Variants in SLC39A10 observed in about 807,000 individuals in gnomAD.
The protein encoded by SLC39A10 is zinc transporter ZIP10.
SLC39A10 carries 13 observed loss-of-function variants against 65.1 expected under a neutral mutation model. The ratio of observed to expected loss-of-function variants is 0.20; its 90% CI spans 0.13 to 0.32. SLC39A10 has a LOEUF of 0.32. SLC39A10 is among the 10% of genes least tolerant of loss of function. SLC39A10 has a pLI of 1.00. For synonymous variants in SLC39A10, 321 were observed against 342.2 expected (o/e 0.94, Z 0.68); for missense variants, 831 against 1,018.4 (o/e 0.82, Z 2.50).
At chr2:195,717,043 T>G in intron 7 of SLC39A10, 38 bp downstream of exon 7, 2 of 1,588,226 alleles carry the variant, frequency 1.3e-6, no homozygotes, top group East Asian at 4.5e-5. Context: ...GCTAATCTTA[T>G]GGACTATAAT....
intron 2 of SLC39A10, among the ~76,000 whole-genome samples, chr2:195,619,728 T>TA (rs1688310140): frequency 6.7e-6 from 1 of 149,992 alleles, no homozygotes; most frequent in African/African-American, 2.5e-5. Context: ...GTAATGAAAA[T>TA]AAAAAAAGAA....
chr2:195,617,885 G>A (rs1002742993), intron 2 of SLC39A10, among the ~76,000 whole-genome samples: 71 of 151,044 alleles, frequency 4.7e-4, no homozygotes, highest in African/African-American at 1.6e-3. Flanking sequence ...GACCACAGGT[G>A]CCCGCCACCA....
At chr2:195,703,205 A>G (rs1475520779) in intron 3 of SLC39A10, among the ~76,000 whole-genome samples, 1 of 152,238 alleles carries the variant, frequency 6.6e-6, no homozygotes, top group Non-Finnish European at 1.5e-5. Context: ...TTTTTCTAGC[A>G]GTATAATATG....
chr2:195,697,302 A>G (rs1691003149), intron 3 of SLC39A10, among the ~76,000 whole-genome samples: 1 of 152,232 alleles, frequency 6.6e-6, no homozygotes, highest in Non-Finnish European at 1.5e-5. Context: ...GTAGGGGGGT[A>G]CTAGAACTAA....
chr2:195,707,206 T>TG (rs1490895843), intron 4 of SLC39A10, among the ~76,000 whole-genome samples: 1 of 152,180 alleles, frequency 6.6e-6, no homozygotes, highest in African/African-American at 2.4e-5. Flanking sequence ...TCTTTATACA[T>TG]GGGGGCATTT....
chr2:195,657,679 G>T (rs965703157), intron 1 of SLC39A10: 2 of 971,656 alleles, frequency 2.1e-6, no homozygotes, highest in Non-Finnish European at 2.4e-6. Context: ...GCGGTTAGGG[G>T]GCTGCGCGCC....
intron 2 of SLC39A10, among the ~76,000 whole-genome samples, chr2:195,638,681 A>T (rs1244491489): frequency 6.6e-6 from 1 of 152,160 alleles, no homozygotes; most frequent in Non-Finnish European, 1.5e-5. Flanking sequence ...TTGCAAAGAT[A>T]GTACAGAGAG....
At chr2:195,675,680 C>T (rs1690056944) in intron 1 of SLC39A10, among the ~76,000 whole-genome samples, 1 of 152,222 alleles carries the variant, frequency 6.6e-6, no homozygotes, top group Non-Finnish European at 1.5e-5. Flanking sequence ...GATCCACCCA[C>T]CTCGGCCTCC....
intron 1 of SLC39A10, among the ~76,000 whole-genome samples, chr2:195,676,816 T>C (rs1234716527): frequency 1.3e-5 from 2 of 152,246 alleles, no homozygotes. Context: ...ACTAAACAGC[T>C]ACCAGGATTT....
chr2:195,622,327 C>T (rs1482972168), intron 2 of SLC39A10, among the ~76,000 whole-genome samples: 1 of 152,070 alleles, frequency 6.6e-6, no homozygotes, highest in East Asian at 1.9e-4. Flanking sequence ...GATCATGCCA[C>T]TGCACTCTAG....
At chr2:195,648,600 T>TCC (rs767660272) in intron 2 of SLC39A10, among the ~76,000 whole-genome samples, 46 of 151,674 alleles carry the variant, frequency 3.0e-4, no homozygotes, top group Admixed American at 5.3e-4. Context: ...ATCACTTGAG[T>TCC]TTGGGAGGTC....
chr2:195,720,330 C>T (rs1437870596), intron 8 of SLC39A10, among the ~76,000 whole-genome samples: 3 of 152,172 alleles, frequency 2.0e-5, no homozygotes, highest in African/African-American at 7.2e-5. Flanking sequence ...ACATGCAATA[C>T]TACTTTGGTT....
At chr2:195,711,318 A>T (rs16839006) in intron 5 of SLC39A10, among the ~76,000 whole-genome samples, 22,404 of 152,162 alleles carry the variant, frequency 0.15, 1,938 homozygotes, top group African/African-American at 0.23. Flanking sequence ...TTTTGAACCT[A>T]AGCTTACTGG....
intron 8 of SLC39A10, among the ~76,000 whole-genome samples, chr2:195,723,050 G>C (rs1692105894): frequency 1.3e-5 from 2 of 152,174 alleles, no homozygotes; most frequent in Admixed American, 1.3e-4. Context: ...AGTTTCTGCA[G>C]GTGTTTTTTG....
intron 8 of SLC39A10, among the ~76,000 whole-genome samples, chr2:195,721,698 A>G (rs147318301): frequency 6.6e-6 from 1 of 152,222 alleles, no homozygotes; most frequent in Non-Finnish European, 1.5e-5. Flanking sequence ...TATATGAGTT[A>G]ACATGTTGCC....
At chr2:195,642,376 A>G (rs770339867) in intron 2 of SLC39A10, among the ~76,000 whole-genome samples, 1 of 152,244 alleles carries the variant, frequency 6.6e-6, no homozygotes, top group Non-Finnish European at 1.5e-5. Flanking sequence ...TTGAGAAGAC[A>G]GGAATGCCCC....
chr2:195,668,312 T>C (rs568700660), intron 1 of SLC39A10, among the ~76,000 whole-genome samples: 34 of 152,382 alleles, frequency 2.2e-4, no homozygotes, highest in African/African-American at 7.9e-4. Flanking sequence ...AATGAAACTT[T>C]TAAAAAATGA....
At chr2:195,617,745 C>CTTTAT (rs1688251349) in intron 2 of SLC39A10, among the ~76,000 whole-genome samples, 1 of 38,336 alleles carries the variant, frequency 2.6e-5, no homozygotes, top group Non-Finnish European at 7.5e-5. Context: ...TTTTATTTTA[C>CTTTAT]TTTATTTTAT....
In SLC39A10 at chr2:195,708,691, A is replaced by ACATGGG; in HGVS notation, c.1428_1433dup (p.Gly478_His479dup). The ACATGGG allele has an allele frequency of 6.2e-7, 1 of 1,610,456 alleles. No individual in the cohort carries two copies. Among genetic ancestry groups the ACATGGG allele is most frequent in the South Asian group, 1.1e-5 (1 of 89,848 alleles). On this transcript the variant is annotated inframe_insertion, in exon 5 of 10. Transcript: ENST00000359634. ...GACATGATCACAGTCACCAACATGC[A>ACATGGG]CATGGGCATGGACATTCTCATGGAC...
Sources: gnomAD v4.1 joint callset for allele counts (sites outside exome capture counted in the v4.1 genomes callset) on GRCh38, gnomAD v4.1.1 for gene constraint, MANE v1.5 for transcripts, NCBI Gene and HGNC (gene_info 2026-07-23, HGNC 2026-07-21) for gene names.